The following SPTLC3 variants were observed in gnomAD, a reference collection of about 807,000 sequenced individuals.
SPTLC3 encodes the protein serine palmitoyltransferase 3.
A neutral mutation model predicts 59.3 loss-of-function variants in SPTLC3; 36 were observed. The observed-to-expected ratio is 0.61, with a 90% CI of 0.47 to 0.80. The LOEUF (loss-of-function observed/expected upper bound fraction) is 0.80. SPTLC3 is among the 30% of genes least tolerant of loss of function. The pLI is 0.00. For synonymous variants in SPTLC3, 257 were observed against 240.8 expected, an observed-to-expected ratio of 1.07 and a Z score of -0.62; for missense variants, 625 against 685.1, an observed-to-expected ratio of 0.91 and a Z score of 0.98.
chr20:13,020,814 G>C (rs1249378648), intron 1 of SPTLC3, among the ~76,000 whole-genome samples: 1 of 152,096 alleles, frequency 6.6e-6, no homozygotes. Context: ...GCCATATTAG[G>C]AAGGTAACTT....
At position 13,074,504 on chromosome 20, in the gene SPTLC3, A is replaced by G; in HGVS notation, c.607+7A>G. On this transcript the variant is annotated splice_region_variant and intron_variant, in intron 4 of 11. Coordinates refer to ENST00000399002, the MANE Select transcript of SPTLC3 (RefSeq NM_018327.4). ...AGCACCAGGCATGAAATGGGTATGT[A>G]CATTCACTGTTTTGAAACTTTTTGC... 1 of 1,601,762 alleles carries G rather than the reference A, an allele frequency of 6.2e-7. No individual in the cohort carries two copies. The highest frequency in any genetic ancestry group is 8.5e-7 in the Non-Finnish European group (1 of 1,173,642).
At chr20:13,081,933 C>G (rs1288519816) in intron 4 of SPTLC3, among the ~76,000 whole-genome samples, 2 of 152,136 alleles carry the variant, frequency 1.3e-5, no homozygotes, top group Non-Finnish European at 2.9e-5. Flanking sequence ...TTTCTTAAAG[C>G]CTTTTGGCAA....
intron 9 of SPTLC3, among the ~76,000 whole-genome samples, chr20:13,137,849 GCC>G (rs962038326): frequency 3.3e-5 from 5 of 151,970 alleles, no homozygotes; most frequent in Admixed American, 3.3e-4. Context: ...CCTCATATTT[GCC>G]CCTTCACCAC....
Position 13,086,508 on chromosome 20 carries a change from C to G in SPTLC3, c.608-4575C>G, listed in dbSNP as rs528110130. Among the ~76,000 whole-genome samples the G allele has an allele frequency of 1.2e-4, 18 of 152,210 alleles. No homozygotes were observed. In the East Asian group the frequency reaches 2.7e-3, roughly 23 times the overall value. ...TTAATAAAATCTGAGCTATGAACAC[C>G]AAACAGAGAAATTCCATGGTAATGG... On this transcript the variant is annotated intron_variant, in intron 4 of 11. Transcript: ENST00000399002.
At chr20:13,043,313 T>G (rs959437153) in intron 1 of SPTLC3, among the ~76,000 whole-genome samples, 1 of 152,200 alleles carries the variant, frequency 6.6e-6, no homozygotes, top group African/African-American at 2.4e-5. Context: ...GTAGATCAAC[T>G]AAGGCCTGAA....
At chr20:13,145,023 C>T (rs1041949297) in intron 9 of SPTLC3, among the ~76,000 whole-genome samples, 1 of 152,094 alleles carries the variant, frequency 6.6e-6, no homozygotes, top group African/African-American at 2.4e-5. Flanking sequence ...GATCCACCTG[C>T]CTCAGCCTCC....
chr20:13,156,223 C>T (rs2038765445), intron 10 of SPTLC3, among the ~76,000 whole-genome samples: 2 of 152,180 alleles, frequency 1.3e-5, no homozygotes, highest in Admixed American at 1.3e-4. Context: ...GTATAAAACA[C>T]ATAATTCTGG....
At chr20:13,125,814 C>A (rs1337606766) in intron 8 of SPTLC3, among the ~76,000 whole-genome samples, 1 of 152,192 alleles carries the variant, frequency 6.6e-6, no homozygotes, top group Non-Finnish European at 1.5e-5. Context: ...TCACCTCTGC[C>A]ATATATTACT....
intron 2 of SPTLC3, among the ~76,000 whole-genome samples, chr20:13,071,118 CT>C (rs1181438822): frequency 6.6e-6 from 1 of 152,198 alleles, no homozygotes; most frequent in Non-Finnish European, 1.5e-5. Flanking sequence ...TAATTTTCTT[CT>C]TGTTTGCTCC....
At chr20:13,112,007 C>T in intron 7 of SPTLC3, among the ~76,000 whole-genome samples, 1 of 152,206 alleles carries the variant, frequency 6.6e-6, no homozygotes, top group East Asian at 1.9e-4. Flanking sequence ...CAGCTCCAAG[C>T]CAGAGTGGTA....
chr20:13,123,510 C>A (rs1456776028), intron 8 of SPTLC3, among the ~76,000 whole-genome samples: 1 of 152,090 alleles, frequency 6.6e-6, no homozygotes, highest in African/African-American at 2.4e-5. Flanking sequence ...TAGTAACTGG[C>A]CCATGGTCAC....
chr20:13,075,948 C>T (rs887562714), intron 4 of SPTLC3, among the ~76,000 whole-genome samples: 19 of 152,260 alleles, frequency 1.2e-4, no homozygotes, highest in African/African-American at 2.4e-4. Flanking sequence ...CATGGGTCCC[C>T]GACTCCATAG....
In SPTLC3 at chr20:13,159,970, CT is replaced by C. The variant is rs76977323; in HGVS notation, c.1416-22del. ...AATTTTGTCTTTTCCCAACTAACCA[CT>C]TTTTTTTTTTCTTTTTTTGCTTTTC... is the stretch of plus-strand genomic sequence containing the variant. On this transcript the variant is annotated intron_variant, in intron 10 of 11. Coordinates refer to ENST00000399002, the MANE Select transcript of SPTLC3 (RefSeq NM_018327.4). 9,986 of 1,107,114 alleles carry C rather than the reference CT, an allele frequency of 9.0e-3. 20 individuals are homozygous for C. Among genetic ancestry groups the C allele is most frequent in the African/African-American group, 0.029 (1,774 of 62,206 alleles). 68.6% of individuals were successfully genotyped at this position (1,107,114 alleles called of 1,614,324 possible).
chr20:13,052,425 T>A (rs1987535363), intron 2 of SPTLC3, among the ~76,000 whole-genome samples: 1 of 152,094 alleles, frequency 6.6e-6, no homozygotes, highest in African/African-American at 2.4e-5. Flanking sequence ...GACCCTGGGT[T>A]TCAAGCACAA....
intron 1 of SPTLC3, among the ~76,000 whole-genome samples, chr20:13,029,667 G>T (rs1290709919): frequency 1.3e-5 from 2 of 152,128 alleles, no homozygotes; most frequent in Non-Finnish European, 2.9e-5. Context: ...GAAGCAAAAG[G>T]CTTTCATGAA....
At chr20:13,088,906 C>T (rs1460031883) in intron 4 of SPTLC3, among the ~76,000 whole-genome samples, 1 of 150,568 alleles carries the variant, frequency 6.6e-6, no homozygotes, top group Non-Finnish European at 1.5e-5. Context: ...GCTGGGATTA[C>T]AGGCGTGGGC....
At chr20:13,020,644 G>A (rs360525) in intron 1 of SPTLC3, among the ~76,000 whole-genome samples, 33,236 of 151,990 alleles carry the variant, frequency 0.22, 5,427 homozygotes, top group African/African-American at 0.46. Context: ...ACTGAACTCC[G>A]CAGAAAGATG....
Position 13,072,307 on chromosome 20 carries a change from T to C in SPTLC3, c.355T>C (p.Tyr119His). Residue 119 changes from tyrosine to histidine, a missense_variant, in exon 3 of 12, where the codon TAC becomes CAC. Transcript: ENST00000399002. Reference protein sequence around the residue: ...DFENFYTRNLYMRIRDNWNRP... With the variant: ...DFENFYTRNLHMRIRDNWNRP... ...TGAAAATTTTTATACAAGAAACCTTTACATGCGAATCAGAGACAACTGGAA... is the reference window on the plus strand; with the variant it reads ...TGAAAATTTTTATACAAGAAACCTTCACATGCGAATCAGAGACAACTGGAA... The C allele has an allele frequency of 6.2e-7, 1 of 1,613,954 alleles. No homozygotes were observed. Among genetic ancestry groups the C allele is most frequent in the Non-Finnish European group, 8.5e-7 (1 of 1,179,906 alleles).
chr20:13,127,673 A>T (rs929870926), intron 9 of SPTLC3, among the ~76,000 whole-genome samples: 2 of 152,196 alleles, frequency 1.3e-5, no homozygotes, highest in Non-Finnish European at 2.9e-5. Flanking sequence ...CCCCATACTG[A>T]TACCCCCTGG....
Sources: gnomAD v4.1 joint callset for allele counts (sites outside exome capture counted in the v4.1 genomes callset) on GRCh38, gnomAD v4.1.1 for gene constraint, MANE v1.5 for transcripts, NCBI Gene and HGNC (gene_info 2026-07-23, HGNC 2026-07-21) for gene names.